The following KLK11 variants were observed in gnomAD, a reference collection of about 807,000 sequenced individuals.
The protein encoded by KLK11 is kallikrein related peptidase 11.
In KLK11, 10 loss-of-function variants were observed where a neutral mutation model predicts 23.4. The observed-to-expected ratio is 0.43, with a 90% confidence interval of 0.26 to 0.73. The LOEUF (loss-of-function observed/expected upper bound fraction) is 0.73. KLK11 is among the 30% of genes least tolerant of loss of function. KLK11 has a pLI of 0.22. For synonymous variants in KLK11, 131 were observed against 131.7 expected, an observed-to-expected ratio of 0.99 and a Z score of 0.03; for missense variants, 285 against 327.8, an observed-to-expected ratio of 0.87 and a Z score of 1.01.
Position 51,024,361 on chromosome 19 carries a change from G to C in KLK11, c.198-51C>G. 1 of 1,591,174 alleles carries C rather than the reference G, an allele frequency of 6.3e-7. No individual in the cohort carries two copies. Among genetic ancestry groups the C allele is most frequent in the Non-Finnish European group, 8.5e-7 (1 of 1,170,042 alleles). ...AGGAGGAAAGGTCGGGGGAGACATGGGTGGGAGAGGTGAGTGACACCTTTG... is the reference window on the plus strand; with the variant it reads ...AGGAGGAAAGGTCGGGGGAGACATGCGTGGGAGAGGTGAGTGACACCTTTG... On this transcript the variant is annotated intron_variant, in intron 3 of 5. Coordinates refer to ENST00000453757, the MANE Select transcript of KLK11 (RefSeq NM_001136032.3). This position sits in a 1 kb window ranked among gnomAD's most constrained non-coding sequence, Gnocchi z 6.2.
At chr19:51,027,580 C>A, upstream of KLK11, 16 of 1,600,964 alleles carry the variant, frequency 1.0e-5, no homozygotes, top group Non-Finnish European at 1.3e-5. Context: ...TAGGTCCCTT[C>A]CCTTGGCTTT....
chr19:51,025,713 C>T lies in KLK11; in HGVS notation c.-35-47G>A, dbSNP rs201757342. 47 of 716,408 alleles carry T rather than the reference C, an allele frequency of 6.6e-5. No individual in the cohort carries two copies. Among genetic ancestry groups the T allele is most frequent in the South Asian group, 9.7e-5 (5 of 51,734 alleles). 44.4% of individuals were successfully genotyped at this position (716,408 alleles called of 1,614,324 possible). On this transcript the variant is annotated intron_variant, in intron 1 of 5. Transcript: ENST00000453757. The surrounding 1 kb of genome is among the most constrained non-coding windows in gnomAD (Gnocchi z 6.2). Reference sequence around the variant, plus strand: ...GGGCCGCATCACTTTACGGGGAAATCGGGAGGGGGGGGCTGGCTCATGCCC... The same window carrying T: ...GGGCCGCATCACTTTACGGGGAAATTGGGAGGGGGGGGCTGGCTCATGCCC...
chr19:51,024,801 G>A lies in KLK11; in HGVS notation c.41-7C>T, dbSNP rs1363444213. 6.4e-7 allele frequency: 1 copy of A among 1,559,860 alleles called. No homozygotes were observed. Among genetic ancestry groups the A allele is most frequent in the Non-Finnish European group, 8.6e-7 (1 of 1,160,538 alleles). On this transcript the variant is annotated splice_region_variant and splice_polypyrimidine_tract_variant and intron_variant, in intron 2 of 5. Transcript: ENST00000453757. This position sits in a 1 kb window ranked among gnomAD's most constrained non-coding sequence, Gnocchi z 6.2. ...GTCTCTCCCCCTACAAGCCCTGGAG[G>A]GGGTGAGAGCAAAAGAAGGGGCTCA...
rs779242361 is a variant in KLK11 at position 51,024,190 on chromosome 19, G to C, written c.318C>G (p.Asp106Glu). The C allele has an allele frequency of 4.3e-6, 7 of 1,614,118 alleles. No homozygotes were observed. Among genetic ancestry groups the C allele is most frequent in the Non-Finnish European group, 5.9e-6 (7 of 1,180,020 alleles). The change falls in exon 4 of 6, where the codon GAC becomes GAG. Residue 106 changes from aspartate (D) to glutamate (E), a missense_variant. Physicochemically the swap from Asp to Glu is conservative, Grantham distance 45 (BLOSUM62 2). Coordinates refer to ENST00000453757, the MANE Select transcript of KLK11 (RefSeq NM_001136032.3). The surrounding 1 kb of genome is among the most constrained non-coding windows in gnomAD (Gnocchi z 6.2). ...TCACCAGCATGATGTCATTGCGGTG[G>C]TCTTTGTTGGGGAGGCTGTTGTTGA... The part of the protein sequence containing the change: ...PGFNNSLPNK[D>E]HRNDIMLVKM...
At position 51,022,675 on chromosome 19, in the gene KLK11, A is replaced by AC; in HGVS notation, c.622dup (p.Val208GlyfsTer3). On this transcript the variant is annotated frameshift_variant, in exon 6 of 6. Coordinates refer to ENST00000453757, the MANE Select transcript of KLK11 (RefSeq NM_001136032.3). LOFTEE classifies it low-confidence loss of function (END_TRUNC). ...AATGCCTTGAAGAGACTGGTTACAG[A>AC]CCAGAGGGCCCCCGGAGTCACCCTG... 1.9e-6 allele frequency: 3 copies of AC among 1,613,132 alleles called. No homozygotes were observed. The highest frequency in any genetic ancestry group is 2.5e-6 in the Non-Finnish European group (3 of 1,180,036).
chr19:51,026,530 G>T lies in KLK11; in HGVS notation c.-36+8C>A. ...GGAGGGGCAGCTTCCCTTTCCTCCT[G>T]GACTCACAGGCTCTGGGGCTGGGGC... is the stretch of plus-strand genomic sequence containing the variant. On this transcript the variant is annotated splice_region_variant and intron_variant, in intron 1 of 5. Coordinates refer to ENST00000453757, the MANE Select transcript of KLK11 (RefSeq NM_001136032.3). The T allele has an allele frequency of 2.0e-6, 2 of 984,442 alleles. No homozygotes were observed. The highest frequency in any genetic ancestry group is 2.4e-6 in the Non-Finnish European group (2 of 828,662). 61.0% of individuals were successfully genotyped at this position (984,442 alleles called of 1,614,324 possible).
upstream of KLK11, chr19:51,027,275 G>A: frequency 1.6e-6 from 1 of 627,312 alleles, no homozygotes; most frequent in Non-Finnish European, 2.8e-6. Flanking sequence ...CCAGGCACAG[G>A]GGCAGGACCG....
At chr19:51,022,979 T>C (rs181452857) in intron 5 of KLK11, 113 bp downstream of exon 5, 34 of 1,177,732 alleles carry the variant, frequency 2.9e-5, no homozygotes, top group African/African-American at 1.5e-4. Flanking sequence ...AAGAGATGGA[T>C]TGGGAGTTGC....
At position 51,022,636 on chromosome 19, in the gene KLK11, T is replaced by C. The variant is rs769160127; in HGVS notation, c.662A>G (p.Gln221Arg). ...QSLQGIISWG[Q>R]DPCAITRKPG... ...CTTTCGGGTGATCGCACACGGATCC[T>C]GGCCCCAGGAGATAATGCCTTGAAG... Residue 221 changes from glutamine to arginine, a missense_variant, in exon 6 of 6, where the codon CAG becomes CGG. Coordinates refer to ENST00000453757, the MANE Select transcript of KLK11 (RefSeq NM_001136032.3). 3.7e-6 allele frequency: 6 copies of C among 1,613,784 alleles called. No homozygotes were observed. The highest frequency in any genetic ancestry group is 5.1e-6 in the Non-Finnish European group (6 of 1,180,050).
At chr19:51,027,590 T>C, upstream of KLK11, 1 of 1,570,086 alleles carries the variant, frequency 6.4e-7, no homozygotes, top group South Asian at 1.1e-5. Flanking sequence ...CCCTTGGCTT[T>C]CCTCCCCTCT....
In KLK11 at chr19:51,022,282, G is replaced by A. The variant is rs2091413115; in HGVS notation, c.*263C>T. ...AAACCTTGATATATGGCCAGGAGCTGTCTTTGGGGCTGGGGATACAACAGA... is the reference window on the plus strand; with the variant it reads ...AAACCTTGATATATGGCCAGGAGCTATCTTTGGGGCTGGGGATACAACAGA... On this transcript the variant is annotated 3_prime_UTR_variant, in exon 6 of 6. Coordinates refer to ENST00000453757, the MANE Select transcript of KLK11 (RefSeq NM_001136032.3). 7 of 517,750 alleles carry A rather than the reference G, an allele frequency of 1.4e-5. No homozygotes were observed. Among genetic ancestry groups the A allele is most frequent in the South Asian group, 2.1e-5 (1 of 48,190 alleles). The allele number at this position is 517,750 out of a possible 1,614,324, so 32.1% of individuals were successfully genotyped here.
upstream of KLK11, chr19:51,027,434 C>T: frequency 6.2e-7 from 1 of 1,612,894 alleles, no homozygotes; most frequent in Non-Finnish European, 8.5e-7. Flanking sequence ...GCCCAGGCAG[C>T]CCGAGTCCAG....
rs2091451850 is a variant in KLK11, at chr19:51,024,552, C to G, written c.197+86G>C. 7.3e-7 allele frequency: 1 copy of G among 1,375,032 alleles called. No individual in the cohort carries two copies. Among genetic ancestry groups the G allele is most frequent in the Non-Finnish European group, 9.6e-7 (1 of 1,039,828 alleles). The allele number at this position is 1,375,032 out of a possible 1,614,324, so 85.2% of individuals were successfully genotyped here. ...CCCATCCCCATCTCTAATCCCCTTA[C>G]CAGCACCCCTATCCCTGAGCTTCTC... On this transcript the variant is annotated intron_variant, in intron 3 of 5. Transcript: ENST00000453757. This position sits in a 1 kb window ranked among gnomAD's most constrained non-coding sequence, Gnocchi z 6.2.
At chr19:51,026,459 G>T in intron 1 of KLK11, 79 bp downstream of exon 1, 1 of 583,260 alleles carries the variant, frequency 1.7e-6, no homozygotes, top group Non-Finnish European at 2.2e-6. Context: ...AGAAATGGGT[G>T]CCCGAGTGGG....
In KLK11 at chr19:51,024,676, G is replaced by A; in HGVS notation, c.159C>T (p.Ala53=). ...TRLLCGATLI[A]PRWLLTAAHC... Reference sequence around the variant, plus strand: ...GGGCTGCTGTCAGGAGCCATCTGGGGGCGATGAGCGTCGCCCCACAGAGTA... The same window carrying A: ...GGGCTGCTGTCAGGAGCCATCTGGGAGCGATGAGCGTCGCCCCACAGAGTA... The change falls in exon 3 of 6, where the codon GCC becomes GCT. Residue 53 remains alanine, a synonymous_variant. Coordinates refer to ENST00000453757, the MANE Select transcript of KLK11 (RefSeq NM_001136032.3). The surrounding 1 kb of genome is among the most constrained non-coding windows in gnomAD (Gnocchi z 6.2). 1.3e-6 allele frequency: 2 copies of A among 1,598,454 alleles called. No homozygotes were observed. Among genetic ancestry groups the A allele is most frequent in the African/African-American group, 1.3e-5 (1 of 74,336 alleles).
In KLK11 at chr19:51,022,589, A is replaced by G. The variant is rs746554486; in HGVS notation, c.709T>C (p.Cys237Arg). 2 of 1,614,012 alleles carry G rather than the reference A, an allele frequency of 1.2e-6. No individual in the cohort carries two copies. ...TCCTGGATCCAGTCCACATATTTGCAGACTTTCGTGTAGACACCAGGCTTT... is the reference window on the plus strand; with the variant it reads ...TCCTGGATCCAGTCCACATATTTGCGGACTTTCGTGTAGACACCAGGCTTT... ...TRKPGVYTKV[C>R]KYVDWIQETM... The change falls in exon 6 of 6, where the codon TGC (cysteine) becomes CGC (arginine). Residue 237 changes from cysteine to arginine, a missense_variant. Physicochemically the swap from Cys to Arg is radical, Grantham distance 180 (BLOSUM62 -3). Transcript: ENST00000453757.
rs1390730764 is a variant in KLK11, at chr19:51,024,300, C to G, written c.208G>C (p.Val70Leu). 1 of 1,613,704 alleles carries G rather than the reference C, an allele frequency of 6.2e-7. No individual in the cohort carries two copies. The highest frequency in any genetic ancestry group is 1.3e-5 in the African/African-American group (1 of 74,908). Residue 70 changes from valine (V) to leucine (L), a missense_variant, in exon 4 of 6, where the codon GTT becomes CTT. Coordinates refer to ENST00000453757, the MANE Select transcript of KLK11 (RefSeq NM_001136032.3). The surrounding 1 kb of genome is among the most constrained non-coding windows in gnomAD (Gnocchi z 6.2). ...TGGAGGTTGTGCTGCCCCAGGTGAA[C>G]TATGTAGCGGCTGAGGTGGGAGAGA... is the stretch of plus-strand genomic sequence containing the variant. ...AAHCLKPRYI[V>L]HLGQHNLQKE...
upstream of KLK11, chr19:51,027,739 G>A (rs1269001901): frequency 1.9e-6 from 1 of 518,026 alleles, no homozygotes; most frequent in African/African-American, 1.9e-5. Context: ...CTCCACCCCT[G>A]CAAGGCTCAG....
At position 51,024,766 on chromosome 19, in the gene KLK11, G is replaced by C. The variant is rs772490958; in HGVS notation, c.69C>G (p.Ile23Met). Residue 23 changes from isoleucine to methionine, a missense_variant, in exon 3 of 6, where the codon ATC becomes ATG. Transcript: ENST00000453757. The surrounding 1 kb of genome is among the most constrained non-coding windows in gnomAD (Gnocchi z 6.2). ...AGTGAGGCTTGCACTCGAACCCCTTGATGATCCTGGTCTCTCCCCCTACAA... is the reference window on the plus strand; with the variant it reads ...AGTGAGGCTTGCACTCGAACCCCTTCATGATCCTGGTCTCTCCCCCTACAA... ...TGLVGGETRI[I>M]KGFECKPHSQ... 1 of 1,600,216 alleles carries C rather than the reference G, an allele frequency of 6.2e-7. No homozygotes were observed. The highest frequency in any genetic ancestry group is 1.8e-5 in the Admixed American group (1 of 55,994).
Sources: allele counts gnomAD v4.1 joint callset, GRCh38; gene constraint gnomAD v4.1.1; non-coding constraint Gnocchi (gnomAD v3.1); transcripts MANE v1.5; gene names NCBI Gene and HGNC (gene_info 2026-07-23, HGNC 2026-07-21).